Variants in MECR observed in about 807,000 individuals in gnomAD.
The protein encoded by MECR is enoyl-[acyl-carrier-protein] reductase, mitochondrial.
In MECR, 37 loss-of-function variants were observed where a neutral mutation model predicts 49.1. The observed-to-expected ratio is 0.75, with a 90% CI of 0.58 to 0.99. The LOEUF is 0.99. MECR is among the 50% of genes least tolerant of loss of function. The pLI is 0.00. For missense variants in MECR, 470 were observed against 479.6 expected, an observed-to-expected ratio of 0.98 and a Z score of 0.19; for synonymous variants, 198 against 191.1, an observed-to-expected ratio of 1.04 and a Z score of -0.30.
At chr1:29,204,021 T>G (rs1675954571) in intron 4 of MECR, among the ~76,000 whole-genome samples, 2 of 152,248 alleles carry the variant, frequency 1.3e-5, no homozygotes, top group Admixed American at 6.5e-5. Context: ...TGAGTCTCAG[T>G]TTCACCAATG....
chr1:29,204,733 T>C (rs1052977489), intron 4 of MECR, among the ~76,000 whole-genome samples: 3 of 152,190 alleles, frequency 2.0e-5, no homozygotes, highest in African/African-American at 7.2e-5. Flanking sequence ...GATCTGTTAC[T>C]ACAGCTGCAG....
downstream of MECR, among the ~76,000 whole-genome samples, chr1:29,187,705 T>C (rs1188473615): frequency 2.0e-5 from 3 of 150,418 alleles, no homozygotes; most frequent in Non-Finnish European, 4.4e-5. Flanking sequence ...GTTCAAGCGA[T>C]TCTCCTGCCT....
intron 2 of MECR, 108 bp from the exon 3 acceptor site, chr1:29,216,244 G>C (rs1172963942): frequency 7.3e-7 from 1 of 1,363,868 alleles, no homozygotes; most frequent in East Asian, 2.3e-5. Flanking sequence ...GCTTTGGACT[G>C]TCTGCCTAAC....
At chr1:29,222,791 G>A (rs1322823872) in intron 1 of MECR, among the ~76,000 whole-genome samples, 1 of 152,130 alleles carries the variant, frequency 6.6e-6, no homozygotes, top group African/African-American at 2.4e-5. Context: ...GTCGGGGGCT[G>A]GCCCCACATT....
Position 29,193,668 on chromosome 1 carries a change from C to T in MECR, c.*354G>A, listed in dbSNP as rs149801664. On this transcript the variant is annotated 3_prime_UTR_variant, in exon 10 of 10. Coordinates refer to ENST00000263702, the MANE Select transcript of MECR (RefSeq NM_016011.5). ...GGATGGTGGCCTACTGGCCTTTGCA[C>T]TGCCAGTACCCACCCAGGCTTTGCT... 16 of 233,700 alleles carry T rather than the reference C, an allele frequency of 6.8e-5. No individual in the cohort carries two copies. Among genetic ancestry groups the T allele is most frequent in the African/African-American group, 3.2e-4 (14 of 43,212 alleles). The allele number at this position is 233,700 out of a possible 1,614,324, so 14.5% of individuals were successfully genotyped here. A position where few individuals can be genotyped will look rare whatever the true frequency, so the allele number is the denominator to read the frequency against.
At chr1:29,206,599 G>C (rs529601451) in intron 4 of MECR, among the ~76,000 whole-genome samples, 163 bp downstream of exon 4, 1 of 152,266 alleles carries the variant, frequency 6.6e-6, no homozygotes, top group East Asian at 1.9e-4. Context: ...TAGGAACCAA[G>C]CTAACATCTT....
intron 1 of MECR, among the ~76,000 whole-genome samples, chr1:29,223,728 G>T: frequency 6.6e-6 from 1 of 152,218 alleles, no homozygotes; most frequent in East Asian, 1.9e-4. Flanking sequence ...GAAATGCCTG[G>T]TGTGCTAGGT....
chr1:29,207,577 A>C (rs1676927743), intron 3 of MECR, among the ~76,000 whole-genome samples: 2 of 150,320 alleles, frequency 1.3e-5, no homozygotes, highest in Admixed American at 1.3e-4. Context: ...TTGTCTCTAC[A>C]GAAAAAAAAA....
At chr1:29,178,820 G>A in the MECR span, among the ~76,000 whole-genome samples, 7 of 152,160 alleles carry the variant, frequency 4.6e-5, no homozygotes, top group African/African-American at 1.7e-4. Context: ...TTGCCATACA[G>A]GCAATTTTTG....
chr1:29,205,640 G>C (rs1443206181), intron 4 of MECR, among the ~76,000 whole-genome samples: 2 of 151,612 alleles, frequency 1.3e-5, no homozygotes, highest in Non-Finnish European at 2.9e-5. Flanking sequence ...GACCAGCCTG[G>C]CCAATATGGT....
chr1:29,173,710 A>G, the MECR span, among the ~76,000 whole-genome samples: 1 of 149,528 alleles, frequency 6.7e-6, no homozygotes, highest in African/African-American at 2.5e-5. Flanking sequence ...CAGCTTCCCA[A>G]AAGTGCTGGG....
chr1:29,225,933 CT>C (rs942275918), intron 1 of MECR, among the ~76,000 whole-genome samples: 2 of 152,140 alleles, frequency 1.3e-5, no homozygotes, highest in African/African-American at 4.8e-5. Flanking sequence ...ATTTGGGAGG[CT>C]GAGGCAGGTG....
At chr1:29,196,864 C>G (rs759848882) in intron 7 of MECR, among the ~76,000 whole-genome samples, 4 of 151,514 alleles carry the variant, frequency 2.6e-5, no homozygotes, top group Admixed American at 6.6e-5. Flanking sequence ...AAAAAATTAG[C>G]TGGGCACGGT....
Position 29,194,137 on chromosome 1 carries a change from C to T in MECR, c.1007G>A (p.Arg336His), listed in dbSNP as rs779563237. The T allele has an allele frequency of 1.6e-5, 26 of 1,613,542 alleles. No individual in the cohort carries two copies. Among genetic ancestry groups the T allele is most frequent in the African/African-American group, 1.1e-4 (8 of 74,926 alleles). Reference sequence around the variant, plus strand: ...GGCAGGGGCTGTGAGCTGGCCTCGGCGGATGAGATCGCACAGTGTGAGGAT... The same window carrying T: ...GGCAGGGGCTGTGAGCTGGCCTCGGTGGATGAGATCGCACAGTGTGAGGAT... ...ELILTLCDLI[R>H]RGQLTAPACS... Residue 336 changes from arginine (R) to histidine (H), a missense_variant, in exon 10 of 10, where the codon CGC becomes CAC. By Grantham distance (29) the Arg-to-His change is conservative. Transcript: ENST00000263702.
intron 1 of MECR, among the ~76,000 whole-genome samples, chr1:29,220,046 G>T (rs1680383245): frequency 6.6e-6 from 1 of 152,058 alleles, no homozygotes; most frequent in African/African-American, 2.4e-5. Context: ...ACTCACTGTT[G>T]AGCAAATGTC....
chr1:29,186,111 C>G, the MECR span, among the ~76,000 whole-genome samples: 1 of 152,196 alleles, frequency 6.6e-6, no homozygotes, highest in Non-Finnish European at 1.5e-5. Context: ...AATGCTTGTC[C>G]CTAAAACCTG....
chr1:29,228,398 G>C (rs1192132523), intron 1 of MECR, among the ~76,000 whole-genome samples: 1 of 149,790 alleles, frequency 6.7e-6, no homozygotes, highest in Non-Finnish European at 1.5e-5. Context: ...TGTTACCCAG[G>C]CTAAAGTTCA....
chr1:29,177,106 A>C, the MECR span, among the ~76,000 whole-genome samples: 4 of 152,194 alleles, frequency 2.6e-5, no homozygotes, highest in African/African-American at 9.7e-5. Context: ...GTGTACTCAA[A>C]ATTCTTTCAC....
intron 3 of MECR, among the ~76,000 whole-genome samples, chr1:29,215,520 C>A (rs892845508): frequency 6.8e-6 from 1 of 147,300 alleles, no homozygotes; most frequent in Admixed American, 6.8e-5. Flanking sequence ...TGCAGTAAGC[C>A]GAGATCGCGT....
Sources: gnomAD v4.1 joint callset for allele counts (sites outside exome capture counted in the v4.1 genomes callset) on GRCh38, gnomAD v4.1.1 for gene constraint, MANE v1.5 for transcripts, NCBI Gene and HGNC (gene_info 2026-07-23, HGNC 2026-07-21) for gene names.